The following ZBTB4 variants were observed in gnomAD, a reference collection of about 807,000 sequenced individuals.
ZBTB4 encodes zinc finger and BTB domain containing 4.
In ZBTB4, 14 loss-of-function variants were observed where a neutral mutation model predicts 59.8. The ratio of observed to expected loss-of-function variants is 0.23; its 90% confidence interval spans 0.15 to 0.37. The LOEUF is 0.37. Ranked by LOEUF, ZBTB4 falls within the 10% of genes least tolerant of loss-of-function variation. The probability of loss-of-function intolerance (pLI) is 1.00; values close to 1 mark genes in which losing one functional copy is unlikely to be tolerated. For missense variants in ZBTB4, 1,198 were observed against 1,380.8 expected, an observed-to-expected ratio of 0.87 and a Z score of 2.10; for synonymous variants, 587 against 575.2, an observed-to-expected ratio of 1.02 and a Z score of -0.29.
chr17:7,483,887 C>A, upstream of ZBTB4: 1 of 152,444 alleles, frequency 6.6e-6, no homozygotes, highest in Non-Finnish European at 1.5e-5. Context: ...CGGCTACTTC[C>A]GGACAAGCCA....
chr17:7,478,256 C>T (rs957395684), intron 1 of ZBTB4, among the ~76,000 whole-genome samples: 1 of 152,168 alleles, frequency 6.6e-6, no homozygotes, highest in African/African-American at 2.4e-5. Context: ...ACCTTCCCCT[C>T]GCTTGGCTGC....
upstream of ZBTB4, chr17:7,481,951 G>T: frequency 6.4e-7 from 1 of 1,550,820 alleles, no homozygotes; most frequent in Non-Finnish European, 8.7e-7. Context: ...CCTGGGCTGC[G>T]GCTGCTGTCT....
intron 1 of ZBTB4, among the ~76,000 whole-genome samples, chr17:7,475,768 C>T (rs780403534): frequency 2.0e-5 from 3 of 152,068 alleles, no homozygotes; most frequent in East Asian, 1.9e-4. Flanking sequence ...AAGAGGAAAC[C>T]GAGGCTCAGA....
Position 7,468,806 on chromosome 17 carries a change from C to T in ZBTB4, c.-80-1479G>A, listed in dbSNP as rs2070161685. ...TACTGTCTGGACTCAAAGGCCTTTT[C>T]CCCACATATACCCCATTTCACATCC... On this transcript the variant is annotated intron_variant, in intron 1 of 3. Transcript: ENST00000380599. 2.0e-5 allele frequency among the ~76,000 whole-genome samples: 3 copies of T among 152,266 alleles called. No homozygotes were observed. The South Asian group carries it at 6.2e-4, about 32-fold the overall frequency.
chr17:7,469,064 C>T (rs1316374023), intron 1 of ZBTB4, among the ~76,000 whole-genome samples: 6 of 152,150 alleles, frequency 3.9e-5, no homozygotes, highest in Non-Finnish European at 8.8e-5. Flanking sequence ...TCCATGAGAA[C>T]CACTGGCTCA....
chr17:7,463,041 CTCCTCT>C lies in ZBTB4; in HGVS notation c.1935_1940del (p.Glu649_Glu650del), dbSNP rs2070053145. The C allele has an allele frequency of 1.9e-6, 3 of 1,609,250 alleles. No homozygotes were observed. The highest frequency in any genetic ancestry group is 2.5e-6 in the Non-Finnish European group (3 of 1,178,110). On this transcript the variant is annotated inframe_deletion, in exon 4 of 4. Coordinates refer to ENST00000380599, the MANE Select transcript of ZBTB4 (RefSeq NM_001128833.2). ...TTGATTCCTCCTCATCCTCCTCCTC[CTCCTCT>C]TCGTCCTCCTCCTCTTCGTCCTCCT...
upstream of ZBTB4, chr17:7,482,492 A>G: frequency 6.2e-7 from 1 of 1,613,834 alleles, no homozygotes; most frequent in Non-Finnish European, 8.5e-7. Context: ...CCTAGGACTA[A>G]TCATCATTGT....
chr17:7,473,099 C>T (rs1247398394), intron 1 of ZBTB4, among the ~76,000 whole-genome samples: 11 of 132,002 alleles, frequency 8.3e-5, no homozygotes, highest in Admixed American at 3.4e-4. Context: ...GGACTATAGG[C>T]GCGCGCCACC....
chr17:7,462,549 G>A lies in ZBTB4; in HGVS notation c.2433C>T (p.Pro811=), dbSNP rs1454514851. The A allele has an allele frequency of 1.2e-5, 20 of 1,613,836 alleles. No individual in the cohort carries two copies. The highest frequency in any genetic ancestry group is 4.4e-5 in the South Asian group (4 of 91,084). ...AYSKGSAGTR[P]GDVKEEAPQE... ...GGGGGGCTTCCTCCTTGACATCCCC[G>A]GGCCTGGTGCCAGCGCTGCCCTTGG... The change falls in exon 4 of 4, where the codon CCC becomes CCT. Residue 811 remains proline (P), a synonymous_variant. Coordinates refer to ENST00000380599, the MANE Select transcript of ZBTB4 (RefSeq NM_001128833.2). This position sits in a 1 kb window ranked among gnomAD's most constrained non-coding sequence, Gnocchi z 7.5.
rs555620588 is a variant in ZBTB4 at position 7,461,117 on chromosome 17, C to A, written c.*823G>T. The A allele has an allele frequency of 6.5e-6, 1 of 152,764 alleles. No homozygotes were observed. The highest frequency in any genetic ancestry group is 2.4e-5 in the African/African-American group (1 of 41,556). 9.5% of individuals were successfully genotyped at this position (152,764 alleles called of 1,614,324 possible). ...GCCCAGAATAGGCCATATGTAGAGG[C>A]AGAAAGAGGTGTGATCTGCTTACCT... On this transcript the variant is annotated 3_prime_UTR_variant, in exon 4 of 4. Coordinates refer to ENST00000380599, the MANE Select transcript of ZBTB4 (RefSeq NM_001128833.2).
upstream of ZBTB4, among the ~76,000 whole-genome samples, chr17:7,480,107 A>T (rs1219612497): frequency 6.6e-6 from 1 of 151,950 alleles, no homozygotes; most frequent in Admixed American, 6.5e-5. Flanking sequence ...AGGAAAGCTC[A>T]GCAGGCCGCG....
At chr17:7,474,994 A>C (rs542829957) in intron 1 of ZBTB4, among the ~76,000 whole-genome samples, 2 of 135,458 alleles carry the variant, frequency 1.5e-5, no homozygotes, top group African/African-American at 5.7e-5. Context: ...CCTGGGCGAC[A>C]GAGTGAGACT....
upstream of ZBTB4, chr17:7,481,562 T>C (rs1304504358): frequency 7.1e-7 from 1 of 1,407,932 alleles, no homozygotes; most frequent in Non-Finnish European, 9.5e-7. Flanking sequence ...TCCCTATAGC[T>C]CCTGGTTGCT....
At position 7,463,402 on chromosome 17, in the gene ZBTB4, G is replaced by C. The variant is rs1176097090; in HGVS notation, c.1580C>G (p.Pro527Arg). 1.3e-6 allele frequency: 2 copies of C among 1,585,674 alleles called. No individual in the cohort carries two copies. Among genetic ancestry groups the C allele is most frequent in the Admixed American group, 1.8e-5 (1 of 55,256 alleles). Residue 527 changes from proline to arginine, a missense_variant, in exon 4 of 4, where the codon CCT (proline) becomes CGT (arginine). Physicochemically the swap from Pro to Arg is moderately radical, Grantham distance 103. Coordinates refer to ENST00000380599, the MANE Select transcript of ZBTB4 (RefSeq NM_001128833.2). ...GCTGGTGGGTGTGGCTGCAGGCTCA[G>C]GGGGAGGAGGTGGGTATTCTCGTTT... ...PKKREYPPPP[P>R]EPAATPTSPA...
intron 3 of ZBTB4, among the ~76,000 whole-genome samples, chr17:7,465,495 T>C (rs1452275927): frequency 6.6e-6 from 1 of 151,836 alleles, no homozygotes; most frequent in Non-Finnish European, 1.5e-5. Context: ...AAAAAATTGT[T>C]TGTAGAGATG....
rs1423042035 is a variant in ZBTB4, at chr17:7,461,703, CT to C, written c.*236del. 4.7e-6 allele frequency: 2 copies of C among 424,902 alleles called. No individual in the cohort carries two copies. Among genetic ancestry groups the C allele is most frequent in the Non-Finnish European group, 8.3e-6 (2 of 240,362 alleles). 26.3% of individuals were successfully genotyped at this position (424,902 alleles called of 1,614,324 possible). On this transcript the variant is annotated 3_prime_UTR_variant, in exon 4 of 4. Transcript: ENST00000380599. ...GAAGGGATGGAAGCTGGCCCTGCCC[CT>C]CATGGAGGCCATTCCCTGGAGGAAG...
upstream of ZBTB4, chr17:7,484,238 A>AC (rs1033252860): frequency 6.3e-6 from 1 of 159,048 alleles, no homozygotes; most frequent in African/African-American, 2.4e-5. Context: ...CGGGGGGTTT[A>AC]CCCACGACTC....
upstream of ZBTB4, chr17:7,482,470 G>C: frequency 1.2e-6 from 2 of 1,614,020 alleles, no homozygotes; most frequent in Non-Finnish European, 1.7e-6. Context: ...GGTGTGGACT[G>C]TTGGGCAGCA....
chr17:7,462,157 G>A lies in ZBTB4; in HGVS notation c.2825C>T (p.Ala942Val). The change falls in exon 4 of 4, where the codon GCC becomes GTC. Residue 942 changes from alanine to valine, a missense_variant. By Grantham distance (64) the Ala-to-Val change is moderately conservative. Around this residue, in one of 9 missense-constraint regions of ZBTB4, gnomAD observed 211 missense variants for 236.1 expected, o/e 0.89. Coordinates refer to ENST00000380599, the MANE Select transcript of ZBTB4 (RefSeq NM_001128833.2). This position sits in a 1 kb window ranked among gnomAD's most constrained non-coding sequence, Gnocchi z 7.5. ...CATGTTGAGAGCAACCGGGAGAGCG[G>A]CCAAGTTACTGAAGTTGTAAGGGTA... is the stretch of plus-strand genomic sequence containing the variant. ...AAYPYNFSNL[A>V]ALPVALNMVL... The A allele has an allele frequency of 6.2e-7, 1 of 1,613,880 alleles. No individual in the cohort carries two copies. Among genetic ancestry groups the A allele is most frequent in the Non-Finnish European group, 8.5e-7 (1 of 1,179,910 alleles).
Sources: gnomAD v4.1 joint callset for allele counts (sites outside exome capture counted in the v4.1 genomes callset) on GRCh38, gnomAD v4.1.1 for gene constraint, gnomAD v4.1.1 regional missense constraint, Gnocchi (gnomAD v3.1) non-coding constraint, MANE v1.5 for transcripts, NCBI Gene and HGNC (gene_info 2026-07-23, HGNC 2026-07-21) for gene names.